OTOGL: variants seen among roughly 807,000 people sequenced by gnomAD.
OTOGL encodes the protein otogelin like, also known as otogelin-like protein.
A neutral mutation model predicts 318.5 loss-of-function variants in OTOGL; 285 were observed. The ratio of observed to expected loss-of-function variants is 0.89; its 90% CI spans 0.81 to 0.99. The LOEUF is 0.99. Among genes scored for constraint, OTOGL ranks in the 50% least tolerant of loss-of-function variants. OTOGL has a pLI of 0.00. For synonymous variants in OTOGL, 987 were observed against 936.5 expected, an observed-to-expected ratio of 1.05 and a Z score of -0.99; for missense variants, 2,899 against 2,845.6, an observed-to-expected ratio of 1.02 and a Z score of -0.43.
intron 1 of OTOGL, among the ~76,000 whole-genome samples, chr12:80,123,007 A>G (rs892657166): frequency 1.1e-4 from 16 of 146,790 alleles, no homozygotes; most frequent in African/African-American, 4.0e-4. Context: ...TTTCATTAAC[A>G]TTTTCCTTCA....
Position 80,295,157 on chromosome 12 carries a change from C to CTTTTTTTTTTTT in OTOGL, c.2929-1652_2929-1641dup, listed in dbSNP as rs66786755. Among the ~76,000 whole-genome samples the CTTTTTTTTTTTT allele has an allele frequency of 1.2e-3, 114 of 98,924 alleles. 15 individuals carry two copies. Among genetic ancestry groups the CTTTTTTTTTTTT allele is most frequent in the African/African-American group, 4.8e-3 (99 of 20,628 alleles). 64.9% of individuals were successfully genotyped at this position (98,924 alleles called of 152,430 possible). On this transcript the variant is annotated intron_variant, in intron 26 of 58. Transcript: ENST00000547103. ...AAACACAAACTGTATGATTGCCGAA[C>CTTTTTTTTTTTT]TTTTTTTTTTTTTTTTTTTTTTTTT...
intron 1 of OTOGL, among the ~76,000 whole-genome samples, chr12:80,190,742 G>A (rs1399803959): frequency 7.3e-6 from 1 of 137,670 alleles, no homozygotes; most frequent in Admixed American, 7.9e-5. Flanking sequence ...AGCCGGGATA[G>A]CGCCACTGCA....
In OTOGL at chr12:80,291,470, T is replaced by A. The variant is rs578202931; in HGVS notation, c.2929-5357T>A. ...CCTCTTGAGGTTAGCCAGCTAAGGA[T>A]TTATATGTGCCTGCAAATACCTATA... On this transcript the variant is annotated intron_variant, in intron 26 of 58. Coordinates refer to ENST00000547103, the MANE Select transcript of OTOGL (RefSeq NM_001378609.3). Among the ~76,000 whole-genome samples the A allele has an allele frequency of 3.3e-5, 5 of 152,314 alleles. No homozygotes were observed. In the South Asian group the frequency reaches 1.0e-3, roughly 32 times the overall value.
chr12:80,189,297 A>G, intron 1 of OTOGL: 1 of 431,602 alleles, frequency 2.3e-6, no homozygotes, highest in Non-Finnish European at 3.1e-6. Context: ...CAGTTGAATA[A>G]TCTTTTACTC....
intron 1 of OTOGL, among the ~76,000 whole-genome samples, chr12:80,169,030 T>G (rs555562654): frequency 6.6e-6 from 1 of 152,292 alleles, no homozygotes; most frequent in Non-Finnish European, 1.5e-5. Flanking sequence ...ATTCTGTACT[T>G]CAGATATCTA....
chr12:80,300,208 T>C (rs1186971682), intron 27 of OTOGL, among the ~76,000 whole-genome samples: 1 of 152,034 alleles, frequency 6.6e-6, no homozygotes, highest in African/African-American at 2.4e-5. Context: ...TCGTGGTTTT[T>C]TTTTTTTTTA....
At chr12:80,208,244 T>C (rs766738195) in intron 1 of OTOGL, 3 of 516,150 alleles carry the variant, frequency 5.8e-6, no homozygotes, top group African/African-American at 5.8e-5. Context: ...AGTAAATGAT[T>C]ATTGGATTTG....
At chr12:80,145,715 G>GAAGAA (rs1296256361) in intron 1 of OTOGL, among the ~76,000 whole-genome samples, 1 of 151,864 alleles carries the variant, frequency 6.6e-6, no homozygotes. Flanking sequence ...CCATTTGTTT[G>GAAGAA]TATCCTCTTT....
At chr12:80,272,137 G>A (rs963991997) in intron 24 of OTOGL, among the ~76,000 whole-genome samples, 7 of 152,026 alleles carry the variant, frequency 4.6e-5, no homozygotes, top group African/African-American at 1.7e-4. Context: ...ATATTCTGTT[G>A]TGCAGTTACT....
intron 22 of OTOGL, 23 bp from the exon 23 acceptor site, chr12:80,270,079 A>G (rs1883293112): frequency 6.5e-7 from 1 of 1,547,186 alleles, no homozygotes; most frequent in Non-Finnish European, 8.8e-7. Flanking sequence ...GGTTCCATAA[A>G]TTAACTATTT....
At chr12:80,221,149 C>T (rs558205429) in intron 6 of OTOGL, among the ~76,000 whole-genome samples, 2 of 151,664 alleles carry the variant, frequency 1.3e-5, no homozygotes, top group African/African-American at 4.8e-5. Context: ...AGAAGATTAT[C>T]TACAAGGGTA....
intron 37 of OTOGL, among the ~76,000 whole-genome samples, chr12:80,331,109 C>G (rs1486254228): frequency 6.6e-6 from 1 of 152,048 alleles, no homozygotes; most frequent in Non-Finnish European, 1.5e-5. Context: ...ATAAGTTAAC[C>G]CTAAATTCAT....
chr12:80,188,305 C>T (rs918277327), intron 1 of OTOGL, among the ~76,000 whole-genome samples: 7 of 151,778 alleles, frequency 4.6e-5, no homozygotes, highest in African/African-American at 1.7e-4. Flanking sequence ...TTTGAGAGGC[C>T]GAGGCGGGCA....
chr12:80,235,433 A>G (rs942395040), intron 9 of OTOGL, among the ~76,000 whole-genome samples: 3 of 141,280 alleles, frequency 2.1e-5, no homozygotes, highest in African/African-American at 8.1e-5. Context: ...ATGCCACTGC[A>G]CTCCAGCCTG....
intron 5 of OTOGL, among the ~76,000 whole-genome samples, chr12:80,218,286 C>T (rs967281083): frequency 5.9e-5 from 9 of 151,948 alleles, no homozygotes; most frequent in African/African-American, 1.2e-4. Flanking sequence ...TTTTTCTACC[C>T]GTATTTATGG....
chr12:80,187,613 A>G lies in OTOGL; in HGVS notation c.-19-21800A>G, dbSNP rs185136708. The stretch of plus-strand genomic sequence containing the variant: ...AACCTCACTAAGTATAAAGACAATG[A>G]ATAGTAAATATGTATGCATTATAAA... On this transcript the variant is annotated intron_variant, in intron 1 of 58. Coordinates refer to ENST00000547103, the MANE Select transcript of OTOGL (RefSeq NM_001378609.3). Among the ~76,000 whole-genome samples the G allele has an allele frequency of 1.8e-3, 278 of 152,322 alleles. 2 individuals carry two copies. The highest frequency in any genetic ancestry group is 6.5e-3 in the African/African-American group (272 of 41,568).
chr12:80,245,076 A>T, intron 11 of OTOGL, among the ~76,000 whole-genome samples: 1 of 129,918 alleles, frequency 7.7e-6, no homozygotes, highest in African/African-American at 3.4e-5. Context: ...TTGTCAGATG[A>T]GTAGGTTGCA....
chr12:80,308,721 T>C (rs1476997249), intron 29 of OTOGL, among the ~76,000 whole-genome samples: 1 of 152,194 alleles, frequency 6.6e-6, no homozygotes, highest in African/African-American at 2.4e-5. Flanking sequence ...TCCCGGCACC[T>C]TGGGAGGCCG....
chr12:80,284,070 T>C (rs1412038424), intron 26 of OTOGL, among the ~76,000 whole-genome samples: 2 of 152,082 alleles, frequency 1.3e-5, no homozygotes, highest in Admixed American at 6.6e-5. Context: ...GATGTTCCCC[T>C]CCCTGTGTCC....
Sources: allele counts gnomAD v4.1 joint callset (sites outside exome capture counted in the v4.1 genomes callset), GRCh38; gene constraint gnomAD v4.1.1; transcripts MANE v1.5; gene names NCBI Gene and HGNC (gene_info 2026-07-23, HGNC 2026-07-21).